The following OR6K3 variants were observed in gnomAD, a reference collection of about 807,000 sequenced individuals.
OR6K3 encodes olfactory receptor 6K3.
For synonymous variants in OR6K3, 169 were observed against 137.7 expected (o/e 1.23, Z -1.59); for missense variants, 396 against 382.5 (o/e 1.04, Z -0.29).
At position 158,717,923 on chromosome 1, in the gene OR6K3, T is replaced by C; in HGVS notation, c.193A>G (p.Ile65Val). 6.2e-7 allele frequency: 1 copy of C among 1,613,754 alleles called. No homozygotes were observed. The highest frequency in any genetic ancestry group is 8.5e-7 in the Non-Finnish European group (1 of 1,179,790). The change falls in exon 2 of 2, where the codon ATA becomes GTA. Residue 65 changes from isoleucine (I) to valine (V), a missense_variant. Transcript: ENST00000368145. ...LHNPMYNFISIFSFLEIWYTT... is the reference protein window; with the variant it reads ...LHNPMYNFISVFSFLEIWYTT... ...TACCAGATCTCCAGAAAGGAAAATATACTGATAAAATTATACATGGGGTTG... is the reference window on the plus strand; with the variant it reads ...TACCAGATCTCCAGAAAGGAAAATACACTGATAAAATTATACATGGGGTTG...
At chr1:158,723,868 TATTA>T (rs1056600051), upstream of OR6K3, among the ~76,000 whole-genome samples, 25 of 152,192 alleles carry the variant, frequency 1.6e-4, no homozygotes, top group African/African-American at 5.8e-4. Flanking sequence ...TCATAAAACA[TATTA>T]ATTATGTTTA....
At chr1:158,722,048 C>T (rs868836490), upstream of OR6K3, among the ~76,000 whole-genome samples, 2 of 151,938 alleles carry the variant, frequency 1.3e-5, no homozygotes, top group African/African-American at 4.8e-5. Context: ...AATTCCCTAA[C>T]CTCTCTGTCT....
At chr1:158,722,280 T>C (rs1166037400), upstream of OR6K3, among the ~76,000 whole-genome samples, 1 of 152,032 alleles carries the variant, frequency 6.6e-6, no homozygotes, top group Non-Finnish European at 1.5e-5. Context: ...GCACAGCAAA[T>C]ATGGAAATAT....
Position 158,717,928 on chromosome 1 carries a change from A to G in OR6K3, c.188T>C (p.Ile63Thr). The G allele has an allele frequency of 6.2e-7, 1 of 1,613,754 alleles. No individual in the cohort carries two copies. The highest frequency in any genetic ancestry group is 8.5e-7 in the Non-Finnish European group (1 of 1,179,780). ...GATCTCCAGAAAGGAAAATATACTG[A>G]TAAAATTATACATGGGGTTGTGGAG... ...THLHNPMYNF[I>T]SIFSFLEIWY... Residue 63 changes from isoleucine (I) to threonine (T), a missense_variant, in exon 2 of 2, where the codon ATC becomes ACC. By Grantham distance (89) the Ile-to-Thr change is moderately conservative. Coordinates refer to ENST00000368145, the MANE Select transcript of OR6K3 (RefSeq NM_001005327.3).
Position 158,717,925 on chromosome 1 carries a change from CT to C in OR6K3, c.190del (p.Ser64ValfsTer31), listed in dbSNP as rs1656203319. ...HLHNPMYNFI[S>X]IFSFLEIWYT... ...CCAGATCTCCAGAAAGGAAAATATA[CT>C]GATAAAATTATACATGGGGTTGTGG... On this transcript the variant is annotated frameshift_variant, in exon 2 of 2. Transcript: ENST00000368145. LOFTEE classifies it low-confidence loss of function (END_TRUNC). 1 of 1,613,698 alleles carries C rather than the reference CT, an allele frequency of 6.2e-7. No homozygotes were observed. The highest frequency in any genetic ancestry group is 8.5e-7 in the Non-Finnish European group (1 of 1,179,772).
chr1:158,718,632 A>C (rs543886123), intron 1 of OR6K3, among the ~76,000 whole-genome samples: 1 of 151,476 alleles, frequency 6.6e-6, no homozygotes, highest in Non-Finnish European at 1.5e-5. Context: ...GAATACGAAT[A>C]AACATAACAG....
At chr1:158,721,430 T>C (rs1193693197), upstream of OR6K3, among the ~76,000 whole-genome samples, 1 of 152,004 alleles carries the variant, frequency 6.6e-6, no homozygotes, top group Non-Finnish European at 1.5e-5. Context: ...ACTTTTATCA[T>C]GTCATCTTCT....
At position 158,716,375 on chromosome 1, in the gene OR6K3, T is replaced by G. The variant is rs1016457559; in HGVS notation, c.*793A>C. ...CTAAACATGTAATTATTCTAATGAA[T>G]AGGTAACTACATAACTAAAAATAAA... is the stretch of plus-strand genomic sequence containing the variant. On this transcript the variant is annotated 3_prime_UTR_variant, in exon 2 of 2. Transcript: ENST00000368145. The G allele has an allele frequency of 1.3e-5, 2 of 152,134 alleles. No homozygotes were observed. The highest frequency in any genetic ancestry group is 2.4e-5 in the African/African-American group (1 of 41,458). 9.4% of individuals were successfully genotyped at this position (152,134 alleles called of 1,614,324 possible).
intron 1 of OR6K3, among the ~76,000 whole-genome samples, chr1:158,718,366 A>C (rs1656218977): frequency 6.6e-6 from 1 of 150,722 alleles, no homozygotes; most frequent in Non-Finnish European, 1.5e-5. Flanking sequence ...AGAAAAAAAA[A>C]TGAAACCTTC....
chr1:158,719,554 G>A (rs1358544139), intron 1 of OR6K3, among the ~76,000 whole-genome samples: 1 of 151,782 alleles, frequency 6.6e-6, no homozygotes, highest in Non-Finnish European at 1.5e-5. Flanking sequence ...TACTTCCTCT[G>A]ACTTTAAAGT....
At chr1:158,721,316 T>G (rs1656278111), upstream of OR6K3, among the ~76,000 whole-genome samples, 1 of 152,038 alleles carries the variant, frequency 6.6e-6, no homozygotes, top group South Asian at 2.1e-4. Flanking sequence ...ACTTCTTTAT[T>G]GAAGATCAAT....
Position 158,717,294 on chromosome 1 carries a change from TGCAA to T in OR6K3, c.818_821del (p.Ile273AsnfsTer2). ...ATGGAGCAAGTACAGTAAACATCAG[TGCAA>T]TGGCTGTGTCCAAAACTGGTGGATA... On this transcript the variant is annotated frameshift_variant, in exon 2 of 2. Transcript: ENST00000368145. LOFTEE classifies it low-confidence loss of function (END_TRUNC). 1 of 1,613,638 alleles carries T rather than the reference TGCAA, an allele frequency of 6.2e-7. No homozygotes were observed. The highest frequency in any genetic ancestry group is 8.5e-7 in the Non-Finnish European group (1 of 1,179,704).
At position 158,717,684 on chromosome 1, in the gene OR6K3, G is replaced by A. The variant is rs1371579580; in HGVS notation, c.432C>T (p.Leu144=). The A allele has an allele frequency of 6.2e-7, 1 of 1,613,754 alleles. No individual in the cohort carries two copies. Among genetic ancestry groups the A allele is most frequent in the Non-Finnish European group, 8.5e-7 (1 of 1,179,872 alleles). ...MIMTPRLCAQ[L]SAGSCLFGFL... is the part of the protein sequence containing the mutation. ...AACCGAAGAGGCAGGAACCTGCAGA[G>A]AGTTGAGCACAGAGCCGGGGGGTCA... The change falls in exon 2 of 2, where the codon CTC becomes CTT. Residue 144 remains leucine (L), a synonymous_variant. Coordinates refer to ENST00000368145, the MANE Select transcript of OR6K3 (RefSeq NM_001005327.3).
At position 158,717,898 on chromosome 1, in the gene OR6K3, T is replaced by TACCAG. The variant is rs761854516; in HGVS notation, c.213_217dup (p.Tyr73SerfsTer24). ...CATCTTGGGAATGGTGGCTGTGGTG[T>TACCAG]ACCAGATCTCCAGAAAGGAAAATAT... On this transcript the variant is annotated frameshift_variant, in exon 2 of 2. Transcript: ENST00000368145. LOFTEE classifies it low-confidence loss of function (END_TRUNC). 66 of 1,613,578 alleles carry TACCAG rather than the reference T, an allele frequency of 4.1e-5. No individual in the cohort carries two copies. The highest frequency in any genetic ancestry group is 5.4e-5 in the Non-Finnish European group (64 of 1,179,736).
upstream of OR6K3, among the ~76,000 whole-genome samples, chr1:158,723,381 A>G (rs35658076): frequency 6.6e-6 from 1 of 152,002 alleles, no homozygotes; most frequent in Non-Finnish European, 1.5e-5. Flanking sequence ...ATAAATAATA[A>G]CAACAAATAT....
chr1:158,722,045 T>C (rs185615159), upstream of OR6K3, among the ~76,000 whole-genome samples: 1 of 152,084 alleles, frequency 6.6e-6, no homozygotes, highest in Non-Finnish European at 1.5e-5. Flanking sequence ...TTCAATTCCC[T>C]AACCTCTCTG....
upstream of OR6K3, among the ~76,000 whole-genome samples, chr1:158,722,761 A>C (rs998037259): frequency 2.6e-5 from 4 of 151,936 alleles, no homozygotes; most frequent in African/African-American, 9.7e-5. Flanking sequence ...CTTTGGTTTA[A>C]CTTAATTTTG....
chr1:158,723,099 A>T (rs1481450817), upstream of OR6K3, among the ~76,000 whole-genome samples: 2 of 152,020 alleles, frequency 1.3e-5, no homozygotes, highest in Non-Finnish European at 2.9e-5. Flanking sequence ...CTGTTATCTT[A>T]ATACACAAAT....
In OR6K3 at chr1:158,717,095, G is replaced by A. The variant is rs1165187738; in HGVS notation, c.*73C>T. On this transcript the variant is annotated 3_prime_UTR_variant, in exon 2 of 2. Coordinates refer to ENST00000368145, the MANE Select transcript of OR6K3 (RefSeq NM_001005327.3). Reference sequence around the variant, plus strand: ...ATCATGCCATTGCACTCCAGCCCAGGCAACAAGAGTGAAACTCCATCTCAA... The same window carrying A: ...ATCATGCCATTGCACTCCAGCCCAGACAACAAGAGTGAAACTCCATCTCAA... 3 of 1,049,068 alleles carry A rather than the reference G, an allele frequency of 2.9e-6. No homozygotes were observed. The highest frequency in any genetic ancestry group is 2.9e-6 in the Non-Finnish European group (2 of 697,250). 65.0% of individuals were successfully genotyped at this position (1,049,068 alleles called of 1,614,324 possible).
Sources: gnomAD v4.1 joint callset for allele counts (sites outside exome capture counted in the v4.1 genomes callset) on GRCh38, gnomAD v4.1.1 for gene constraint, MANE v1.5 for transcripts, NCBI Gene and HGNC (gene_info 2026-07-23, HGNC 2026-07-21) for gene names.